The following ABCC4 variants were observed in gnomAD, a reference collection of about 807,000 sequenced individuals.
ABCC4 encodes ATP binding cassette subfamily C member 4 (PEL blood group).
In ABCC4, 102 loss-of-function variants were observed where a neutral mutation model predicts 168.5. The ratio of observed to expected loss-of-function variants is 0.61; its 90% CI spans 0.52 to 0.71. The LOEUF is 0.71. ABCC4 is among the 30% of genes least tolerant of loss of function. The pLI, the probability that ABCC4 is intolerant of heterozygous loss-of-function variation, is 0.00. For missense variants in ABCC4, 1,402 were observed against 1,605.8 expected, an observed-to-expected ratio of 0.87 and a Z score of 2.17; for synonymous variants, 617 against 590.7, an observed-to-expected ratio of 1.04 and a Z score of -0.65.
At chr13:95,220,085 C>G (rs1156396147) in intron 4 of ABCC4, among the ~76,000 whole-genome samples, 1 of 151,094 alleles carries the variant, frequency 6.6e-6, no homozygotes, top group African/African-American at 2.4e-5. Flanking sequence ...AGGCTGGTCT[C>G]GAAATCCTGA....
intron 4 of ABCC4, among the ~76,000 whole-genome samples, chr13:95,225,140 G>GTC (rs140436228): frequency 0.023 from 1,639 of 69,940 alleles, 27 homozygotes; most frequent in African/African-American, 0.06. Flanking sequence ...CTGTCTGTCT[G>GTC]TCTCTCTCTC....
intron 4 of ABCC4, among the ~76,000 whole-genome samples, chr13:95,227,018 C>T (rs762531049): frequency 2.6e-5 from 4 of 152,108 alleles, no homozygotes; most frequent in Non-Finnish European, 5.9e-5. Flanking sequence ...GGGAAGAGTC[C>T]AGACACCAGT....
chr13:95,288,965 T>C (rs1417127649), intron 1 of ABCC4, among the ~76,000 whole-genome samples: 4 of 152,230 alleles, frequency 2.6e-5, no homozygotes, highest in Non-Finnish European at 4.4e-5. Context: ...CTCTGTTACA[T>C]TGAGAGCTCT....
intron 19 of ABCC4, among the ~76,000 whole-genome samples, chr13:95,144,891 T>C (rs1335551932): frequency 3.3e-5 from 5 of 152,138 alleles, no homozygotes; most frequent in African/African-American, 1.2e-4. Flanking sequence ...CTGAAATTCA[T>C]ATGGAATCAA....
intron 13 of ABCC4, among the ~76,000 whole-genome samples, chr13:95,175,116 C>T (rs2037624329): frequency 6.6e-6 from 1 of 152,102 alleles, no homozygotes; most frequent in African/African-American, 2.4e-5. Flanking sequence ...GAGCCCCATG[C>T]TCAGTGGATG....
chr13:95,141,261 C>T (rs1167148853), intron 19 of ABCC4, among the ~76,000 whole-genome samples: 1 of 152,226 alleles, frequency 6.6e-6, no homozygotes, highest in Non-Finnish European at 1.5e-5. Context: ...GTCAAGATAT[C>T]AAATGTCATG....
intron 19 of ABCC4, among the ~76,000 whole-genome samples, chr13:95,149,260 T>TG (rs2036597622): frequency 6.6e-6 from 1 of 152,212 alleles, no homozygotes; most frequent in Non-Finnish European, 1.5e-5. Flanking sequence ...TTTCCTTTCA[T>TG]TTACAGGACC....
intron 13 of ABCC4, among the ~76,000 whole-genome samples, chr13:95,172,345 G>C (rs993412750): frequency 6.6e-6 from 1 of 152,168 alleles, no homozygotes; most frequent in Non-Finnish European, 1.5e-5. Flanking sequence ...ACTTTGGAAG[G>C]CTGAGGCAGA....
At chr13:95,047,121 G>A (rs572505504) in intron 27 of ABCC4, among the ~76,000 whole-genome samples, 81 of 152,256 alleles carry the variant, frequency 5.3e-4, no homozygotes, top group Admixed American at 1.3e-3. Flanking sequence ...GGTGAATCTT[G>A]GAGAAGGGTA....
At chr13:95,072,832 C>T (rs1201160477) in intron 24 of ABCC4, among the ~76,000 whole-genome samples, 1 of 152,078 alleles carries the variant, frequency 6.6e-6, no homozygotes, top group African/African-American at 2.4e-5. Flanking sequence ...TGTAAACAAC[C>T]TCAAAATACT....
intron 19 of ABCC4, among the ~76,000 whole-genome samples, chr13:95,159,049 C>A (rs998546227): frequency 1.3e-4 from 19 of 143,684 alleles, no homozygotes; most frequent in African/African-American, 4.8e-4. Flanking sequence ...CATCACTGCA[C>A]TCCAGTCTAG....
At chr13:95,064,285 TATATATATATATAC>T (rs1445661559) in intron 25 of ABCC4, among the ~76,000 whole-genome samples, 17 of 121,584 alleles carry the variant, frequency 1.4e-4, no homozygotes, top group African/African-American at 3.4e-4. Flanking sequence ...TATATATATA[TATATATATATATAC>T]ACACACACAC....
intron 1 of ABCC4, among the ~76,000 whole-genome samples, chr13:95,286,057 C>G (rs1421244811): frequency 6.6e-6 from 1 of 151,818 alleles, no homozygotes; most frequent in Non-Finnish European, 1.5e-5. Context: ...GGGAAGTCAG[C>G]CAGCAAAGGC....
chr13:95,122,541 G>T (rs977865805), intron 19 of ABCC4, among the ~76,000 whole-genome samples: 22 of 152,052 alleles, frequency 1.4e-4, no homozygotes, highest in African/African-American at 4.6e-4. Flanking sequence ...TTTAGAAACA[G>T]TGAGGAAAGA....
At chr13:95,066,347 T>C (rs1297080524) in intron 25 of ABCC4, among the ~76,000 whole-genome samples, 3 of 152,228 alleles carry the variant, frequency 2.0e-5, no homozygotes, top group Non-Finnish European at 4.4e-5. Context: ...CCATAAAATC[T>C]GCGAATTCCT....
chr13:95,066,378 T>A (rs1453123628), intron 25 of ABCC4, among the ~76,000 whole-genome samples: 4 of 152,122 alleles, frequency 2.6e-5, no homozygotes, highest in Non-Finnish European at 5.9e-5. Flanking sequence ...GGAGCAGGCA[T>A]TTATATACTA....
intron 8 of ABCC4, among the ~76,000 whole-genome samples, chr13:95,204,480 T>C (rs1478887065): frequency 4.6e-5 from 7 of 151,848 alleles, no homozygotes; most frequent in Admixed American, 6.6e-5. Context: ...TGAGTTCTCA[T>C]GAGATCTGAT....
At chr13:95,164,054 A>AAAAAAAAAAAAAG (rs59935866) in intron 16 of ABCC4, among the ~76,000 whole-genome samples, 2 of 139,010 alleles carry the variant, frequency 1.4e-5, no homozygotes, top group African/African-American at 5.5e-5. Context: ...AAAAAAAAAA[A>AAAAAAAAAAAAAG]AAAGAAAGAA....
chr13:95,036,354 A>T (rs2032118717), intron 29 of ABCC4, among the ~76,000 whole-genome samples: 2 of 152,290 alleles, frequency 1.3e-5, no homozygotes, highest in South Asian at 4.1e-4. Context: ...ATGGAAAGGA[A>T]GTCCTACTAC....
Sources: gnomAD v4.1 joint callset for allele counts (sites outside exome capture counted in the v4.1 genomes callset) on GRCh38, gnomAD v4.1.1 for gene constraint, MANE v1.5 for transcripts, NCBI Gene and HGNC (gene_info 2026-07-23, HGNC 2026-07-21) for gene names.